The following IMMP2L variants were observed in gnomAD, a reference collection of about 807,000 sequenced individuals.
The protein encoded by IMMP2L is inner mitochondrial membrane peptidase subunit 2.
A neutral mutation model predicts 19.3 loss-of-function variants in IMMP2L; 18 were observed. The ratio of observed to expected loss-of-function variants is 0.93; its 90% CI spans 0.64 to 1.38. The LOEUF (loss-of-function observed/expected upper bound fraction) is 1.38, where lower values mean the gene tolerates loss of function less well. Among genes scored for constraint, IMMP2L ranks in the 40% most tolerant of loss-of-function variants. The probability of loss-of-function intolerance (pLI) is 0.00; values close to 1 mark genes in which losing one functional copy is unlikely to be tolerated. For synonymous variants in IMMP2L, 76 were observed against 73.0 expected (o/e 1.04, Z -0.21); for missense variants, 233 against 218.2 (o/e 1.07, Z -0.43).
At chr7:110,679,127 TC>T (rs1307271142) in intron 5 of IMMP2L, among the ~76,000 whole-genome samples, 3 of 152,080 alleles carry the variant, frequency 2.0e-5, no homozygotes, top group Non-Finnish European at 4.4e-5. Flanking sequence ...CAAGACACCC[TC>T]AGTAAGTTCA....
intron 5 of IMMP2L, among the ~76,000 whole-genome samples, chr7:110,669,976 A>G (rs1226133936): frequency 6.6e-6 from 1 of 152,220 alleles, no homozygotes; most frequent in South Asian, 2.1e-4. Context: ...ACTCATCAAT[A>G]AGTAAGTACA....
intron 3 of IMMP2L, among the ~76,000 whole-genome samples, chr7:111,430,374 A>G (rs1392705734): frequency 6.6e-6 from 1 of 151,792 alleles, no homozygotes; most frequent in Non-Finnish European, 1.5e-5. Context: ...AATAAAAAGC[A>G]TATAAATTTA....
chr7:110,998,763 C>T (rs1475286245), intron 3 of IMMP2L, among the ~76,000 whole-genome samples: 1 of 152,024 alleles, frequency 6.6e-6, no homozygotes, highest in Non-Finnish European at 1.5e-5. Context: ...TTTCTTAAAG[C>T]CTGGGCTAGA....
At chr7:111,510,821 CT>C (rs1465649062) in intron 2 of IMMP2L, among the ~76,000 whole-genome samples, 2 of 152,304 alleles carry the variant, frequency 1.3e-5, no homozygotes, top group Admixed American at 6.5e-5. Context: ...ACTCTGGTGT[CT>C]TTCCCATGTG....
chr7:110,960,913 G>A (rs909250384), intron 4 of IMMP2L, among the ~76,000 whole-genome samples: 1 of 151,824 alleles, frequency 6.6e-6, no homozygotes, highest in Non-Finnish European at 1.5e-5. Flanking sequence ...GATATGAATG[G>A]AAAGTATGCA....
intron 4 of IMMP2L, among the ~76,000 whole-genome samples, chr7:110,956,669 G>A (rs1257248467): frequency 6.6e-6 from 1 of 151,704 alleles, no homozygotes; most frequent in Non-Finnish European, 1.5e-5. Context: ...TTCTTCACTA[G>A]GGACTAAAAA....
chr7:111,400,177 C>A (rs1296819209), intron 3 of IMMP2L, among the ~76,000 whole-genome samples: 2 of 152,078 alleles, frequency 1.3e-5, no homozygotes, highest in African/African-American at 4.8e-5. Context: ...AGAACTATGT[C>A]TCAGATATTT....
chr7:111,402,991 A>ACCCCCCCCCCCCCCCCCCCCCCCCCCCC (rs781654530), intron 3 of IMMP2L, among the ~76,000 whole-genome samples: 6 of 45,506 alleles, frequency 1.3e-4, no homozygotes, highest in African/African-American at 2.2e-4. Context: ...TGCAGCCTTG[A>ACCCCCCCCCCCCCCCCCCCCCCCCCCCC]CCCCCCCCCC....
intron 5 of IMMP2L, among the ~76,000 whole-genome samples, chr7:110,845,669 G>A (rs1023831661): frequency 2.0e-5 from 3 of 151,916 alleles, no homozygotes; most frequent in African/African-American, 4.8e-5. Context: ...GTGCTTGATC[G>A]GACTGTCTAA....
intron 2 of IMMP2L, among the ~76,000 whole-genome samples, chr7:111,511,910 G>A (rs867436122): frequency 1.3e-5 from 2 of 152,098 alleles, no homozygotes; most frequent in African/African-American, 4.8e-5. Context: ...GTGTCAAAGA[G>A]GTGGAATGAG....
intron 3 of IMMP2L, among the ~76,000 whole-genome samples, chr7:111,432,282 T>C (rs1160380729): frequency 6.6e-6 from 1 of 151,646 alleles, no homozygotes; most frequent in East Asian, 1.9e-4. Context: ...ATGATTGTTG[T>C]GGTGTTAGAG....
At chr7:110,784,447 A>T (rs73417254) in intron 5 of IMMP2L, among the ~76,000 whole-genome samples, 2,097 of 151,992 alleles carry the variant, frequency 0.014, 47 homozygotes, top group African/African-American at 0.047. Flanking sequence ...TTCCATCTTC[A>T]TCTACCATGA....
intron 3 of IMMP2L, among the ~76,000 whole-genome samples, chr7:111,264,802 G>A (rs1316974339): frequency 6.6e-6 from 1 of 151,746 alleles, no homozygotes; most frequent in Non-Finnish European, 1.5e-5. Flanking sequence ...ATGTGGCTCA[G>A]GGTGGATAAA....
chr7:111,538,676 G>A (rs967247471), intron 1 of IMMP2L, among the ~76,000 whole-genome samples: 44 of 150,650 alleles, frequency 2.9e-4, no homozygotes, highest in Non-Finnish European at 1.9e-4. Context: ...CAGTCATGGT[G>A]GCACATGCCT....
intron 3 of IMMP2L, among the ~76,000 whole-genome samples, chr7:110,976,839 G>A (rs1388741132): frequency 6.6e-6 from 1 of 151,850 alleles, no homozygotes; most frequent in African/African-American, 2.4e-5. Flanking sequence ...TTAAAGAAAA[G>A]CCATAATATA....
At chr7:111,032,936 A>G (rs1216148488) in intron 3 of IMMP2L, among the ~76,000 whole-genome samples, 1 of 152,086 alleles carries the variant, frequency 6.6e-6, no homozygotes, top group Non-Finnish European at 1.5e-5. Context: ...CCTAGCCAAC[A>G]TGGTGAAACG....
chr7:111,558,969 T>C (rs552005764), intron 1 of IMMP2L, among the ~76,000 whole-genome samples: 55 of 152,258 alleles, frequency 3.6e-4, no homozygotes, highest in Middle Eastern at 3.4e-3. Context: ...AAAGATAGAA[T>C]GATTTTGCCT....
chr7:111,254,721 C>T (rs13230843), intron 3 of IMMP2L, among the ~76,000 whole-genome samples: 2 of 152,112 alleles, frequency 1.3e-5, no homozygotes. Context: ...ATCTGCACAA[C>T]ATAAGTCCCA....
At chr7:111,183,348 C>T (rs902102842) in intron 3 of IMMP2L, among the ~76,000 whole-genome samples, 1 of 151,984 alleles carries the variant, frequency 6.6e-6, no homozygotes, top group Non-Finnish European at 1.5e-5. Context: ...GATTACAAAA[C>T]AAAAATATGC....
Sources: allele counts gnomAD v4.1 joint callset (sites outside exome capture counted in the v4.1 genomes callset), GRCh38; gene constraint gnomAD v4.1.1; transcripts MANE v1.5; gene names NCBI Gene and HGNC (gene_info 2026-07-23, HGNC 2026-07-21).